The following STK32B variants were observed in gnomAD, a reference collection of about 807,000 sequenced individuals.
The protein encoded by STK32B is serine/threonine-protein kinase 32B.
Under a neutral mutation model 52.6 loss-of-function variants are expected in STK32B, and 43 were observed. That is an observed-to-expected ratio of 0.82 (90% CI 0.64 to 1.05). The LOEUF is 1.05. STK32B is among the 50% of genes least tolerant of loss of function. The pLI is 0.00. For missense variants in STK32B, 621 were observed against 534.6 expected (o/e 1.16, Z -1.59); for synonymous variants, 238 against 204.3 (o/e 1.17, Z -1.41).
intron 3 of STK32B, among the ~76,000 whole-genome samples, chr4:5,318,836 G>A (rs1025143484): frequency 4.6e-5 from 7 of 150,862 alleles, no homozygotes; most frequent in African/African-American, 1.7e-4. Context: ...GTCTTGCTCT[G>A]TCGCCCACAC....
chr4:5,231,155 A>G lies in STK32B; in HGVS notation c.260+62705A>G, dbSNP rs538954689. Among the ~76,000 whole-genome samples, 8 of 152,258 alleles carry G rather than the reference A, an allele frequency of 5.3e-5. No individual in the cohort carries two copies. In the South Asian group the frequency reaches 6.2e-4, roughly 12 times the overall value. On this transcript the variant is annotated intron_variant, in intron 3 of 11. Coordinates refer to ENST00000282908, the MANE Select transcript of STK32B (RefSeq NM_018401.3). ...CAAGGATTTTATGCCTTCTTTTGATATCTTGCATCACTCTTGCTGTTACTT... is the reference window on the plus strand; with the variant it reads ...CAAGGATTTTATGCCTTCTTTTGATGTCTTGCATCACTCTTGCTGTTACTT...
At chr4:5,022,358 T>A in the STK32B span, among the ~76,000 whole-genome samples, 1 of 152,172 alleles carries the variant, frequency 6.6e-6, no homozygotes, top group Non-Finnish European at 1.5e-5. Flanking sequence ...CTAAGAAACC[T>A]ACGCAGGACA....
chr4:5,343,817 G>T (rs572720256), intron 4 of STK32B, among the ~76,000 whole-genome samples: 2 of 152,290 alleles, frequency 1.3e-5, no homozygotes, highest in East Asian at 3.9e-4. Flanking sequence ...TGGGAAGCTA[G>T]CTCCTGAAAA....
chr4:5,036,791 C>A, the STK32B span, among the ~76,000 whole-genome samples: 1 of 151,428 alleles, frequency 6.6e-6, no homozygotes, highest in South Asian at 2.1e-4. Flanking sequence ...CCTCAGCCTC[C>A]CAAGTAGCTG....
chr4:5,334,703 T>C (rs933684221), intron 4 of STK32B, among the ~76,000 whole-genome samples: 1 of 150,726 alleles, frequency 6.6e-6, no homozygotes, highest in Non-Finnish European at 1.5e-5. Flanking sequence ...TTGAATTTTG[T>C]CAAAGGCCTT....
At chr4:5,199,833 C>T (rs938413434) in intron 3 of STK32B, among the ~76,000 whole-genome samples, 4 of 152,006 alleles carry the variant, frequency 2.6e-5, no homozygotes, top group African/African-American at 9.7e-5. Context: ...AAGCCTTCCC[C>T]ACTCCCACCT....
chr4:5,307,716 A>G (rs947064902), intron 3 of STK32B, among the ~76,000 whole-genome samples: 1 of 152,140 alleles, frequency 6.6e-6, no homozygotes, highest in African/African-American at 2.4e-5. Flanking sequence ...ATATTACCAG[A>G]ATTACCATAT....
intron 4 of STK32B, among the ~76,000 whole-genome samples, chr4:5,371,008 A>G (rs1253681050): frequency 1.6e-4 from 24 of 147,620 alleles, no homozygotes; most frequent in African/African-American, 5.3e-4. Context: ...ATATATATAT[A>G]TATGTATATA....
intron 3 of STK32B, among the ~76,000 whole-genome samples, chr4:5,282,126 T>A (rs1728239264): frequency 6.6e-6 from 1 of 152,170 alleles, no homozygotes; most frequent in African/African-American, 2.4e-5. Flanking sequence ...TTTACTCTCT[T>A]AGTTAGTATA....
At chr4:5,113,989 G>A (rs957396722) in intron 1 of STK32B, among the ~76,000 whole-genome samples, 1 of 151,996 alleles carries the variant, frequency 6.6e-6, no homozygotes, top group Non-Finnish European at 1.5e-5. Context: ...GCATGAGAAA[G>A]ACCTGCTCCC....
At chr4:5,442,372 C>G (rs944830094) in intron 6 of STK32B, among the ~76,000 whole-genome samples, 1 of 152,044 alleles carries the variant, frequency 6.6e-6, no homozygotes, top group Non-Finnish European at 1.5e-5. Context: ...TCTTCTTTGT[C>G]TCTTTTGATC....
At chr4:5,175,897 G>A (rs1488078401) in intron 3 of STK32B, among the ~76,000 whole-genome samples, 3 of 152,248 alleles carry the variant, frequency 2.0e-5, no homozygotes, top group African/African-American at 7.2e-5. Flanking sequence ...CCTGCCCCCA[G>A]AGGTGGAGCC....
intron 3 of STK32B, among the ~76,000 whole-genome samples, chr4:5,180,325 T>A (rs1471584284): frequency 6.6e-6 from 1 of 152,278 alleles, no homozygotes; most frequent in Admixed American, 6.5e-5. Flanking sequence ...ACTTGATATG[T>A]GTCTTACTGA....
intron 4 of STK32B, among the ~76,000 whole-genome samples, chr4:5,392,908 G>T (rs1421949845): frequency 2.0e-5 from 3 of 152,188 alleles, no homozygotes; most frequent in Non-Finnish European, 4.4e-5. Flanking sequence ...CCGTGTTGGG[G>T]GCTGCTGTTT....
intron 11 of STK32B, among the ~76,000 whole-genome samples, chr4:5,496,359 C>T (rs190904304): frequency 2.4e-4 from 36 of 152,296 alleles, no homozygotes; most frequent in Admixed American, 2.0e-3. Flanking sequence ...AGCGAGACTC[C>T]GTGGGCATAG....
At chr4:5,387,539 A>T (rs1055505257) in intron 4 of STK32B, among the ~76,000 whole-genome samples, 3 of 151,924 alleles carry the variant, frequency 2.0e-5, no homozygotes, top group Non-Finnish European at 2.9e-5. Context: ...ACGGGTGCAG[A>T]GGAGTTGACC....
rs1252590866 is a variant in STK32B at position 5,394,048 on chromosome 4, A to G, written c.435-4159A>G. 6.6e-6 allele frequency among the ~76,000 whole-genome samples: 1 copy of G among 152,158 alleles called. No individual in the cohort carries two copies. The highest frequency in any genetic ancestry group is 1.5e-5 in the Non-Finnish European group (1 of 68,018). On this transcript the variant is annotated intron_variant, in intron 4 of 11. Transcript: ENST00000282908. This position sits in a 1 kb window ranked among gnomAD's most constrained non-coding sequence, Gnocchi z 4.2. Reference sequence around the variant, plus strand: ...AAGATTGCCAGCATAGAATATTGAGAAGCCCCCTGCCAAAAGACACATGCA... The same window carrying G: ...AAGATTGCCAGCATAGAATATTGAGGAGCCCCCTGCCAAAAGACACATGCA...
Position 5,111,570 on chromosome 4 carries a change from A to T in STK32B, c.53-28335A>T, listed in dbSNP as rs375196083. Among the ~76,000 whole-genome samples the T allele has an allele frequency of 8.5e-5, 13 of 152,248 alleles. No individual in the cohort carries two copies. In the South Asian group the frequency reaches 2.5e-3, roughly 29 times the overall value. ...TAAGTGGGAGCTAAATGAAGGCTAC[A>T]CATGGACATAAAGATGGAGAGAATA... On this transcript the variant is annotated intron_variant, in intron 1 of 11. Transcript: ENST00000282908.
chr4:5,056,002 T>C (rs974207084), intron 1 of STK32B, among the ~76,000 whole-genome samples: 21 of 152,172 alleles, frequency 1.4e-4, no homozygotes, highest in Non-Finnish European at 2.1e-4. Context: ...CGGACTGTTA[T>C]CAGTTCGTGG....
Sources: allele counts gnomAD v4.1 joint callset (sites outside exome capture counted in the v4.1 genomes callset), GRCh38; gene constraint gnomAD v4.1.1; non-coding constraint Gnocchi (gnomAD v3.1); transcripts MANE v1.5; gene names NCBI Gene and HGNC (gene_info 2026-07-23, HGNC 2026-07-21).